Variants in TNFSF4 observed in about 807,000 individuals in gnomAD.
The protein encoded by TNFSF4 is tumor necrosis factor ligand superfamily member 4.
TNFSF4 carries 4 observed loss-of-function variants against 7.3 expected under a neutral mutation model. The ratio of observed to expected loss-of-function variants is 0.55; its 90% confidence interval spans 0.27 to 1.25. The LOEUF (loss-of-function observed/expected upper bound fraction) is 1.25. Ranked by LOEUF, TNFSF4 falls within the 50% of genes most tolerant of loss-of-function variation. The pLI, the probability that TNFSF4 is intolerant of heterozygous loss-of-function variation, is 0.12. For missense variants in TNFSF4, 181 were observed against 208.8 expected (o/e 0.87, Z 0.82); for synonymous variants, 76 against 83.7 (o/e 0.91, Z 0.50).
chr1:173,394,925 G>GATAT, the TNFSF4 span, among the ~76,000 whole-genome samples: 1 of 149,548 alleles, frequency 6.7e-6, no homozygotes, highest in Non-Finnish European at 1.5e-5. Flanking sequence ...GATAGAGATA[G>GATAT]ATAGATAGAT....
chr1:173,221,252 TTTTA>T, the TNFSF4 span, among the ~76,000 whole-genome samples: 1 of 152,168 alleles, frequency 6.6e-6, no homozygotes, highest in African/African-American at 2.4e-5. Context: ...GGATCATGAA[TTTTA>T]CGGAAAGCCA....
At chr1:173,357,575 A>T in the TNFSF4 span, among the ~76,000 whole-genome samples, 1 of 151,792 alleles carries the variant, frequency 6.6e-6, no homozygotes, top group African/African-American at 2.4e-5. Flanking sequence ...CTTGTTGCCC[A>T]GGCTGGAGCG....
chr1:173,175,626 C>T, the TNFSF4 span: 1 of 152,230 alleles, frequency 6.6e-6, no homozygotes, highest in African/African-American at 2.4e-5. Flanking sequence ...TGTGCTGCCA[C>T]TTAGCCACTT....
At chr1:173,345,698 G>A in the TNFSF4 span, among the ~76,000 whole-genome samples, 3 of 152,248 alleles carry the variant, frequency 2.0e-5, no homozygotes. Flanking sequence ...ACCAAGGACA[G>A]AGCCCAAGAG....
chr1:173,383,530 C>A, the TNFSF4 span, among the ~76,000 whole-genome samples: 3 of 152,142 alleles, frequency 2.0e-5, no homozygotes, highest in Non-Finnish European at 4.4e-5. Context: ...TGAAGATTAC[C>A]TCATTTCCTT....
At chr1:173,421,143 G>A in the TNFSF4 span, among the ~76,000 whole-genome samples, 5 of 152,194 alleles carry the variant, frequency 3.3e-5, no homozygotes, top group South Asian at 4.2e-4. Flanking sequence ...AATATAGGCC[G>A]CACAGTTAAA....
At chr1:173,200,213 G>C (rs1204310510) in intron 1 of TNFSF4, among the ~76,000 whole-genome samples, 1 of 152,168 alleles carries the variant, frequency 6.6e-6, no homozygotes, top group Admixed American at 6.5e-5. Context: ...ACAGAAGATA[G>C]GACTGGAATT....
At chr1:173,364,066 T>C in the TNFSF4 span, among the ~76,000 whole-genome samples, 1 of 152,154 alleles carries the variant, frequency 6.6e-6, no homozygotes, top group Non-Finnish European at 1.5e-5. Flanking sequence ...AGGAATCTGA[T>C]GTCCAGAAAC....
At chr1:173,326,319 A>C in the TNFSF4 span, among the ~76,000 whole-genome samples, 34 of 152,178 alleles carry the variant, frequency 2.2e-4, no homozygotes, top group African/African-American at 7.7e-4. Context: ...TTCAACAACC[A>C]TTCATGCTAA....
the TNFSF4 span, among the ~76,000 whole-genome samples, chr1:173,303,084 G>T: frequency 2.0e-5 from 3 of 151,794 alleles, no homozygotes; most frequent in Non-Finnish European, 2.9e-5. Flanking sequence ...AACCTGAGAG[G>T]TGCCTTCTGA....
the TNFSF4 span, among the ~76,000 whole-genome samples, chr1:173,297,666 T>C: frequency 6.6e-6 from 1 of 151,684 alleles, no homozygotes; most frequent in South Asian, 2.1e-4. Context: ...GAATACGAAA[T>C]ATGCAAGGCA....
chr1:173,327,097 T>C, the TNFSF4 span, among the ~76,000 whole-genome samples: 1 of 152,146 alleles, frequency 6.6e-6, no homozygotes, highest in Non-Finnish European at 1.5e-5. Flanking sequence ...GGAGGCATCA[T>C]GCTACCTGAC....
At chr1:173,187,544 A>T (rs1191838732) in intron 2 of TNFSF4, among the ~76,000 whole-genome samples, 1 of 152,090 alleles carries the variant, frequency 6.6e-6, no homozygotes, top group African/African-American at 2.4e-5. Context: ...AGCTGTGCAC[A>T]CCGTATCTGT....
the TNFSF4 span, among the ~76,000 whole-genome samples, chr1:173,366,994 T>C: frequency 5.3e-5 from 8 of 152,218 alleles, no homozygotes; most frequent in African/African-American, 1.9e-4. Flanking sequence ...GGAGGGGCCC[T>C]CGCATGAGTA....
chr1:173,225,275 C>A, the TNFSF4 span, among the ~76,000 whole-genome samples: 1 of 152,204 alleles, frequency 6.6e-6, no homozygotes, highest in African/African-American at 2.4e-5. Flanking sequence ...TCATCCTTAT[C>A]TTCTCTAAGT....
At chr1:173,446,370 C>T in the TNFSF4 span, among the ~76,000 whole-genome samples, 2 of 152,196 alleles carry the variant, frequency 1.3e-5, no homozygotes, top group African/African-American at 4.8e-5. Flanking sequence ...TATGTCCACA[C>T]AAAAACCTGC....
intron 1 of TNFSF4, among the ~76,000 whole-genome samples, chr1:173,196,955 G>A (rs1471287722): frequency 1.3e-5 from 2 of 152,166 alleles, no homozygotes; most frequent in Non-Finnish European, 2.9e-5. Context: ...GGTACCCACT[G>A]CCTTGCCATA....
At chr1:173,444,400 A>G in the TNFSF4 span, among the ~76,000 whole-genome samples, 1 of 152,128 alleles carries the variant, frequency 6.6e-6, no homozygotes, top group African/African-American at 2.4e-5. Flanking sequence ...TTTCGTACAA[A>G]AAGTTTGGAT....
intron 1 of TNFSF4, among the ~76,000 whole-genome samples, chr1:173,197,960 T>G (rs530257534): frequency 6.6e-6 from 1 of 152,274 alleles, no homozygotes; most frequent in East Asian, 1.9e-4. Flanking sequence ...TCAAATTATA[T>G]AAGAACTCTT....
Sources: gnomAD v4.1 joint callset for allele counts (sites outside exome capture counted in the v4.1 genomes callset) on GRCh38, gnomAD v4.1.1 for gene constraint, MANE v1.5 for transcripts, NCBI Gene and HGNC (gene_info 2026-07-23, HGNC 2026-07-21) for gene names.